The following ADGRL1 variants were observed in gnomAD, a reference collection of about 807,000 sequenced individuals.
ADGRL1 encodes the protein adhesion G protein-coupled receptor L1.
ADGRL1 carries 31 observed loss-of-function variants against 148.9 expected under a neutral mutation model. The observed-to-expected ratio is 0.21, with a 90% CI of 0.16 to 0.28. The LOEUF (loss-of-function observed/expected upper bound fraction) is 0.28, where lower values mean the gene tolerates loss of function less well. Among genes scored for constraint, ADGRL1 ranks in the 10% least tolerant of loss-of-function variants. The pLI is 1.00. For missense variants in ADGRL1, 1,521 were observed against 2,058.8 expected (o/e 0.74, Z 5.05); for synonymous variants, 937 against 900.3 (o/e 1.04, Z -0.73).
At chr19:14,166,244 G>A (rs1403749004) in intron 4 of ADGRL1, among the ~76,000 whole-genome samples, 1 of 62,324 alleles carries the variant, frequency 1.6e-5, no homozygotes, top group African/African-American at 6.3e-5. Context: ...CCGCCCCCTC[G>A]CCCTCATTTT....
chr19:14,159,900 G>C lies in ADGRL1; in HGVS notation c.1801-127C>G. On this transcript the variant is annotated intron_variant, in intron 8 of 22. Transcript: ENST00000361434. The surrounding 1 kb of genome is among the most constrained non-coding windows in gnomAD (Gnocchi z 6.0). ...TGACCCAGGGCTGGGCTATCAGCAAGACATTCCTCAGGGATCCCCAACCCC... is the reference window on the plus strand; with the variant it reads ...TGACCCAGGGCTGGGCTATCAGCAACACATTCCTCAGGGATCCCCAACCCC... 1 of 1,031,574 alleles carries C rather than the reference G, an allele frequency of 9.7e-7. No homozygotes were observed. The highest frequency in any genetic ancestry group is 2.4e-5 in the East Asian group (1 of 41,660). The allele number at this position is 1,031,574 out of a possible 1,614,324, so 63.9% of individuals were successfully genotyped here.
intron 4 of ADGRL1, chr19:14,164,654 A>G (rs1969778413): frequency 6.6e-6 from 1 of 151,834 alleles, no homozygotes; most frequent in African/African-American, 2.4e-5. Context: ...AGAGGGACCA[A>G]GGCAGCGCTG....
At position 14,158,020 on chromosome 19, in the gene ADGRL1, G is replaced by A. The variant is rs1395300460; in HGVS notation, c.2397C>T (p.Phe799=). ...GCATGGAACGCTCCGAGTAGTTCCA[G>A]AAGGAGCAGTTAGCATTGAAGTGGT... is the stretch of plus-strand genomic sequence containing the variant. ...DKNHFNANCS[F]WNYSERSMLG... The change falls in exon 13 of 23, where the codon TTC becomes TTT. Residue 799 remains phenylalanine, a synonymous_variant. Transcript: ENST00000361434. The A allele has an allele frequency of 6.2e-7, 1 of 1,614,214 alleles. No homozygotes were observed. The highest frequency in any genetic ancestry group is 1.3e-5 in the African/African-American group (1 of 75,060).
chr19:14,167,522 C>T (rs1248709392), intron 4 of ADGRL1, among the ~76,000 whole-genome samples: 2 of 152,200 alleles, frequency 1.3e-5, no homozygotes, highest in South Asian at 4.1e-4. Flanking sequence ...GAACCAGGGG[C>T]CCCAGGGGAA....
At chr19:14,153,246 C>T (rs1412838229) in intron 18 of ADGRL1, among the ~76,000 whole-genome samples, 1 of 152,098 alleles carries the variant, frequency 6.6e-6, no homozygotes, top group African/African-American at 2.4e-5. Context: ...AGGTATGGAA[C>T]ACAACAGACA....
intron 3 of ADGRL1, among the ~76,000 whole-genome samples, chr19:14,173,711 C>A (rs1362633498): frequency 6.6e-6 from 1 of 152,058 alleles, no homozygotes; most frequent in Non-Finnish European, 1.5e-5. Flanking sequence ...CTTTGGGAGG[C>A]CAAGACTGGC....
At chr19:14,158,644 A>T in intron 11 of ADGRL1, 92 bp from the exon 12 acceptor site, 2 of 1,072,036 alleles carry the variant, frequency 1.9e-6, no homozygotes, top group Non-Finnish European at 2.8e-6. Context: ...CCAGCTCCTC[A>T]GCCCTTGGCC....
rs150724682 is a variant in ADGRL1, at chr19:14,158,008, C to T, written c.2409G>A (p.Ser803=). ...FNANCSFWNY[S]ERSMLGYWST... ...ACCAGTAGCCCAGCATGGAACGCTC[C>T]GAGTAGTTCCAGAAGGAGCAGTTAG... Residue 803 remains serine (S), a synonymous_variant, in exon 13 of 23, where the codon TCG becomes TCA. Coordinates refer to ENST00000361434, the MANE Select transcript of ADGRL1 (RefSeq NM_014921.5). 3.5e-5 allele frequency: 57 copies of T among 1,614,186 alleles called. No individual in the cohort carries two copies. The highest frequency in any genetic ancestry group is 4.7e-5 in the Non-Finnish European group (55 of 1,180,024).
chr19:14,176,287 G>A (rs1970820181), intron 3 of ADGRL1, among the ~76,000 whole-genome samples: 1 of 151,958 alleles, frequency 6.6e-6, no homozygotes, highest in Non-Finnish European at 1.5e-5. Flanking sequence ...GGAAGCGGAG[G>A]TGGCAGTGAG....
chr19:14,172,066 G>C (rs1198706997), intron 3 of ADGRL1, among the ~76,000 whole-genome samples: 3 of 152,182 alleles, frequency 2.0e-5, no homozygotes, highest in Admixed American at 2.0e-4. Flanking sequence ...AGAGAAAAAT[G>C]GGGGGCAGGA....
chr19:14,159,806 C>T lies in ADGRL1; in HGVS notation c.1801-33G>A. On this transcript the variant is annotated intron_variant, in intron 8 of 22. Transcript: ENST00000361434. This position sits in a 1 kb window ranked among gnomAD's most constrained non-coding sequence, Gnocchi z 6.0. Reference sequence around the variant, plus strand: ...GAGATGGAGGTGATGTCAGGCCAGGCCTCTGGGTGCCGGTTCCCTCACCCT... The same window carrying T: ...GAGATGGAGGTGATGTCAGGCCAGGTCTCTGGGTGCCGGTTCCCTCACCCT... 6.3e-7 allele frequency: 1 copy of T among 1,591,250 alleles called. No individual in the cohort carries two copies. Among genetic ancestry groups the T allele is most frequent in the Non-Finnish European group, 8.6e-7 (1 of 1,159,524 alleles).
At position 14,150,711 on chromosome 19, in the gene ADGRL1, A is replaced by T; in HGVS notation, c.*162T>A. On this transcript the variant is annotated 3_prime_UTR_variant, in exon 23 of 23. Transcript: ENST00000361434. ...GTGAACCCTGGCACCTCAGGCCCCC[A>T]GGTTAGAGTCCCCTGAGGGGACTGT... 1 of 764,984 alleles carries T rather than the reference A, an allele frequency of 1.3e-6. No homozygotes were observed. Among genetic ancestry groups the T allele is most frequent in the Non-Finnish European group, 2.0e-6 (1 of 495,732 alleles). 47.4% of individuals were successfully genotyped at this position (764,984 alleles called of 1,614,324 possible). A position where few individuals can be genotyped will look rare whatever the true frequency, so the allele number is the denominator to read the frequency against.
At chr19:14,166,584 G>GAGAA (rs1555786078) in intron 4 of ADGRL1, among the ~76,000 whole-genome samples, 5 of 122,800 alleles carry the variant, frequency 4.1e-5, no homozygotes, top group Non-Finnish European at 5.6e-5. Context: ...GAGAGAGAAA[G>GAGAA]AGAGAGAGAG....
Position 14,160,403 on chromosome 19 carries a change from T to G in ADGRL1, c.1615-106A>C. 1.8e-6 allele frequency: 2 copies of G among 1,108,376 alleles called. No homozygotes were observed. Among genetic ancestry groups the G allele is most frequent in the Non-Finnish European group, 2.6e-6 (2 of 782,696 alleles). The allele number at this position is 1,108,376 out of a possible 1,614,324, so 68.7% of individuals were successfully genotyped here. ...CAGCCTCTCCTATCTCTCTCTCCAC[T>G]TCCCCATCGCCATCTGCCCCTTCCC... is the stretch of plus-strand genomic sequence containing the variant. On this transcript the variant is annotated intron_variant, in intron 7 of 22. Transcript: ENST00000361434. This position sits in a 1 kb window ranked among gnomAD's most constrained non-coding sequence, Gnocchi z 5.9.
chr19:14,170,847 T>A, intron 3 of ADGRL1, 56 bp from the exon 4 acceptor site: 1 of 369,012 alleles, frequency 2.7e-6, no homozygotes, highest in Non-Finnish European at 5.3e-6. Flanking sequence ...GTGGCGGGGG[T>A]GGGGGTGCAT....
chr19:14,197,285 A>G (rs1315799951), intron 1 of ADGRL1, among the ~76,000 whole-genome samples: 2 of 152,034 alleles, frequency 1.3e-5, no homozygotes, highest in East Asian at 1.9e-4. Context: ...ATAAAATAAA[A>G]TAAAGGTCAC....
rs1000162009 is a variant in ADGRL1 at position 14,160,523 on chromosome 19, C to G, written c.1614+70G>C. On this transcript the variant is annotated intron_variant, in intron 7 of 22. Transcript: ENST00000361434. The surrounding 1 kb of genome is among the most constrained non-coding windows in gnomAD (Gnocchi z 5.9). ...AGCCCATGTCTCCCCAGCTGCTCCA[C>G]GACCCCCGCTGGGCCCTGGGCCCTG... The G allele has an allele frequency of 8.4e-7, 1 of 1,193,882 alleles. No homozygotes were observed. Among genetic ancestry groups the G allele is most frequent in the Non-Finnish European group, 1.2e-6 (1 of 854,748 alleles). The allele number at this position is 1,193,882 out of a possible 1,614,324, so 74.0% of individuals were successfully genotyped here. A position where few individuals can be genotyped will look rare whatever the true frequency, so the allele number is the denominator to read the frequency against.
At position 14,157,355 on chromosome 19, in the gene ADGRL1, G is replaced by A. The variant is rs1296929614; in HGVS notation, c.2641C>T (p.Arg881Trp). Residue 881 changes from arginine (R) to tryptophan (W), a missense_variant, in exon 14 of 23, where the codon CGG (arginine) becomes TGG (tryptophan). Physicochemically the swap from Arg to Trp is moderately radical, Grantham distance 101. Around this residue, in one of 8 missense-constraint regions of ADGRL1, gnomAD observed 265 missense variants for 431.9 expected, o/e 0.61. Coordinates refer to ENST00000361434, the MANE Select transcript of ADGRL1 (RefSeq NM_014921.5). The surrounding 1 kb of genome is among the most constrained non-coding windows in gnomAD (Gnocchi z 7.5). Reference sequence around the variant, plus strand: ...GTGTTGCGGTCGGTCTGCAGCCCCCGCAGGAAGCAGAAGGTGGAGATGCAG... The same window carrying A: ...GTGTTGCGGTCGGTCTGCAGCCCCCACAGGAAGCAGAAGGTGGAGATGCAG... ...AICISTFCFL[R>W]GLQTDRNTIH... is the part of the protein sequence containing the mutation. The A allele has an allele frequency of 5.6e-6, 9 of 1,613,996 alleles. No individual in the cohort carries two copies. The highest frequency in any genetic ancestry group is 2.2e-5 in the East Asian group (1 of 44,892).
In ADGRL1 at chr19:14,177,551, G is replaced by C; in HGVS notation, c.264C>G (p.Ala88=). 1 of 1,614,202 alleles carries C rather than the reference G, an allele frequency of 6.2e-7. No homozygotes were observed. Among genetic ancestry groups the C allele is most frequent in the Non-Finnish European group, 8.5e-7 (1 of 1,180,042 alleles). The change falls in exon 3 of 23, where the codon GCC becomes GCG. Residue 88 remains alanine, a synonymous_variant. Transcript: ENST00000361434. ...CTCACCTCTGTGACATGATCTTGAA[G>C]GCGTCCGGCAGGTAGCACTGCACAT... ...MENVQCYLPD[A]FKIMSQRCNN...
Sources: gnomAD v4.1 joint callset for allele counts (sites outside exome capture counted in the v4.1 genomes callset) on GRCh38, gnomAD v4.1.1 for gene constraint, gnomAD v4.1.1 regional missense constraint, Gnocchi (gnomAD v3.1) non-coding constraint, MANE v1.5 for transcripts, NCBI Gene and HGNC (gene_info 2026-07-23, HGNC 2026-07-21) for gene names.